AHNAK: variants seen among roughly 807,000 people sequenced by gnomAD.
AHNAK encodes the protein AHNAK nucleoprotein, also known as neuroblast differentiation-associated protein AHNAK.
AHNAK carries 23 observed loss-of-function variants against 37.8 expected under a neutral mutation model. The observed-to-expected ratio is 0.61, with a 90% CI of 0.44 to 0.86. AHNAK has a LOEUF of 0.86. Ranked by LOEUF, AHNAK falls within the 40% of genes least tolerant of loss-of-function variation. The pLI is 0.00. For missense variants in AHNAK, 7,411 were observed against 7,319.4 expected (o/e 1.01, Z -0.46); for synonymous variants, 2,481 against 2,636.3 (o/e 0.94, Z 1.80).
intron 5 of AHNAK, among the ~76,000 whole-genome samples, chr11:62,454,646 A>G (rs1938616510): frequency 2.0e-5 from 3 of 152,074 alleles, no homozygotes; most frequent in African/African-American, 7.2e-5. Flanking sequence ...GGAGATGTCA[A>G]GCCCAGAAAC....
Position 62,521,053 on chromosome 11 carries a change from T to G in AHNAK, c.13364A>C (p.Lys4455Thr). 6.2e-7 allele frequency: 1 copy of G among 1,614,088 alleles called. No homozygotes were observed. Among genetic ancestry groups the G allele is most frequent in the African/African-American group, 1.3e-5 (1 of 75,000 alleles). ...PKFKMPEMNI[K>T]APKISMPDFD... ...GTCAGGCATAGAGATTTTGGGAGCT[T>G]TGATGTTCATCTCAGGCATCTTAAA... Residue 4455 changes from lysine (K) to threonine (T), a missense_variant, in exon 5 of 5, where the codon AAA becomes ACA. Physicochemically the swap from Lys to Thr is moderately conservative, Grantham distance 78. Transcript: ENST00000378024.
intron 5 of AHNAK, among the ~76,000 whole-genome samples, chr11:62,490,197 C>CTTT (rs944550481): frequency 4.7e-4 from 54 of 115,922 alleles, no homozygotes; most frequent in East Asian, 1.2e-3. Context: ...TTTTCTTTTT[C>CTTT]TTTTTTTTTT....
intron 5 of AHNAK, among the ~76,000 whole-genome samples, chr11:62,474,793 C>A (rs17145915): frequency 0.061 from 9,232 of 152,228 alleles, 943 homozygotes; most frequent in African/African-American, 0.21. Context: ...AGTGAGCAAA[C>A]AATGTCCCAA....
Position 62,530,315 on chromosome 11 carries a change from CACT to C in AHNAK, c.4099_4101del (p.Ser1367del). ...GGGCCATGAACATCCACATCTGGAGCACTAATGTCAACTTTGGGCCCTTTAATG... is the reference window on the plus strand; with the variant it reads ...GGGCCATGAACATCCACATCTGGAGCAATGTCAACTTTGGGCCCTTTAATG... On this transcript the variant is annotated inframe_deletion, in exon 5 of 5. Transcript: ENST00000378024. The C allele has an allele frequency of 1.9e-6, 3 of 1,613,256 alleles. No homozygotes were observed. Among genetic ancestry groups the C allele is most frequent in the African/African-American group, 1.3e-5 (1 of 74,692 alleles).
chr11:62,486,020 C>CAAA (rs139783265), intron 5 of AHNAK, among the ~76,000 whole-genome samples: 1 of 68,384 alleles, frequency 1.5e-5, no homozygotes, highest in Non-Finnish European at 3.0e-5. Context: ...GACTTTGTCT[C>CAAA]AAAAAAAAAA....
intron 5 of AHNAK, among the ~76,000 whole-genome samples, chr11:62,467,264 T>C (rs1350768881): frequency 1.3e-5 from 2 of 151,452 alleles, no homozygotes; most frequent in African/African-American, 4.9e-5. Flanking sequence ...AGTAATATAA[T>C]TGTACTTCTT....
Position 62,521,176 on chromosome 11 carries a change from A to G in AHNAK, c.13241T>C (p.Leu4414Pro), listed in dbSNP as rs768005097. 2.2e-5 allele frequency: 35 copies of G among 1,613,934 alleles called. No homozygotes were observed. Among genetic ancestry groups the G allele is most frequent in the Non-Finnish European group, 2.5e-5 (30 of 1,180,022 alleles). ...DVSLPKVEGD[L>P]KGPEIDIKGP... ...TTTTATGTCAATTTCAGGGCCCTTG[A>G]GATCACCTTCCACTTTGGGCAGAGA... is the stretch of plus-strand genomic sequence containing the variant. Residue 4414 changes from leucine (L) to proline (P), a missense_variant, in exon 5 of 5, where the codon CTC becomes CCC. By Grantham distance (98) the Leu-to-Pro change is moderately conservative (BLOSUM62 -3). Transcript: ENST00000378024.
At position 62,435,511 on chromosome 11, in the gene AHNAK, C is replaced by A. The variant is rs1371894031; in HGVS notation, c.443-1620G>T. On this transcript the variant is annotated intron_variant, in intron 5 of 5. Transcript: ENST00000257247. ...CTGCAGGCTCCGCCCCCCGGGGTTCCCGCCATTCTCCTGCCTCAGCCTCCC... is the reference window on the plus strand; with the variant it reads ...CTGCAGGCTCCGCCCCCCGGGGTTCACGCCATTCTCCTGCCTCAGCCTCCC... Among the ~76,000 whole-genome samples the A allele has an allele frequency of 5.9e-5, 9 of 151,760 alleles. No homozygotes were observed. In the South Asian group the frequency reaches 6.3e-4, roughly 11 times the overall value.
rs866744623 is a variant in AHNAK, at chr11:62,525,962, T to G, written c.8455A>C (p.Lys2819Gln). ...TCTGGCATCTTAAACTTTGGACTTT[T>G]CCACTTTCCTTCAGGTCCTTCGATA... ...VNIEGPEGKW[K>Q]SPKFKMPEMH... Residue 2819 changes from lysine (K) to glutamine (Q), a missense_variant, in exon 5 of 5, where the codon AAA becomes CAA. Physicochemically the swap from Lys to Gln is moderately conservative, Grantham distance 53. Transcript: ENST00000378024. 1.9e-5 allele frequency: 31 copies of G among 1,614,112 alleles called. No individual in the cohort carries two copies. In the Admixed American group the frequency reaches 5.0e-4, roughly 26 times the overall value.
At chr11:62,498,129 G>A (rs187045713) in intron 4 of AHNAK, among the ~76,000 whole-genome samples, 307 of 152,254 alleles carry the variant, frequency 2.0e-3, no homozygotes, top group African/African-American at 6.0e-3. Flanking sequence ...AGGGGAAAAA[G>A]GAAACTGCAA....
At position 62,523,831 on chromosome 11, in the gene AHNAK, G is replaced by A. The variant is rs761410765; in HGVS notation, c.10586C>T (p.Pro3529Leu). 1.2e-6 allele frequency: 2 copies of A among 1,614,122 alleles called. No homozygotes were observed. Among genetic ancestry groups the A allele is most frequent in the South Asian group, 2.2e-5 (2 of 91,084 alleles). Residue 3529 changes from proline to leucine, a missense_variant, in exon 5 of 5, where the codon CCC becomes CTC. By Grantham distance (98) the Pro-to-Leu change is moderately conservative. Coordinates refer to ENST00000378024, the MANE Select transcript of AHNAK (RefSeq NM_001620.3). Reference protein sequence around the residue: ...VEGPEGGLKGPKFKMPDMNIK... With the variant: ...VEGPEGGLKGLKFKMPDMNIK... ...ATTCATGTCAGGCATCTTGAATTTG[G>A]GACCTTTCAAGCCTCCCTCCGGACC...
Position 62,522,029 on chromosome 11 carries a change from A to T in AHNAK, c.12388T>A (p.Ser4130Thr). Residue 4130 changes from serine to threonine, a missense_variant, in exon 5 of 5, where the codon TCT becomes ACT. Physicochemically the swap from Ser to Thr is moderately conservative, Grantham distance 58. Transcript: ENST00000378024. ...AGATTCAGGTCAACTTCAGGCATAG[A>T]GATCTTCGGTGCCTTGAGGTGCAGG... is the stretch of plus-strand genomic sequence containing the variant. The part of the protein sequence containing the change: ...PDLHLKAPKI[S>T]MPEVDLNLKG... The T allele has an allele frequency of 6.2e-7, 1 of 1,613,982 alleles. No individual in the cohort carries two copies. The highest frequency in any genetic ancestry group is 2.2e-5 in the East Asian group (1 of 44,862).
At position 62,518,359 on chromosome 11, in the gene AHNAK, G is replaced by A; in HGVS notation, c.16058C>T (p.Thr5353Ile). The change falls in exon 5 of 5, where the codon ACA becomes ATA. Residue 5353 changes from threonine to isoleucine, a missense_variant. Coordinates refer to ENST00000378024, the MANE Select transcript of AHNAK (RefSeq NM_001620.3). ...TGGTGCCCCAACGTTAAGCTTTGTT[G>A]TGGCATCGATCCCTGGCACTTTCAC... is the stretch of plus-strand genomic sequence containing the variant. The part of the protein sequence containing the change: ...DGVKVPGIDA[T>I]TKLNVGAPDV... 6.2e-7 allele frequency: 1 copy of A among 1,614,126 alleles called. No homozygotes were observed. The highest frequency in any genetic ancestry group is 8.5e-7 in the Non-Finnish European group (1 of 1,180,022).
chr11:62,505,849 C>T (rs1590636037), intron 4 of AHNAK, among the ~76,000 whole-genome samples: 3 of 151,542 alleles, frequency 2.0e-5, no homozygotes, highest in South Asian at 4.2e-4. Context: ...TAGTTTTCTG[C>T]TTGCTTTCTT....
intron 5 of AHNAK, among the ~76,000 whole-genome samples, chr11:62,435,910 T>A (rs1273442220): frequency 5.3e-5 from 8 of 152,210 alleles, no homozygotes; most frequent in Admixed American, 5.2e-4. Flanking sequence ...GCTGAGCACT[T>A]CTTACATATG....
Position 62,517,206 on chromosome 11 carries a change from A to T in AHNAK, c.17211T>A (p.Ser5737=). ...GVTGSPEASI[S]GSKGDLKSSK... The stretch of plus-strand genomic sequence containing the variant: ...AACTTTTCAGGTCACCTTTGGACCC[A>T]GAAATTGATGCTTCTGGTGAGCCAG... The change falls in exon 5 of 5, where the codon TCT becomes TCA. Residue 5737 remains serine (S), a synonymous_variant. Transcript: ENST00000378024. 2 of 1,614,146 alleles carry T rather than the reference A, an allele frequency of 1.2e-6. No individual in the cohort carries two copies. Among genetic ancestry groups the T allele is most frequent in the Non-Finnish European group, 1.7e-6 (2 of 1,180,042 alleles).
chr11:62,530,588 T>C lies in AHNAK; in HGVS notation c.3829A>G (p.Asn1277Asp). ...FKGEGREVDV[N>D]LPKADIDVSG... Reference sequence around the variant, plus strand: ...ACATCAATGTCAGCCTTGGGCAGGTTCACATCCACTTCTCGGCCCTCTCCT... The same window carrying C: ...ACATCAATGTCAGCCTTGGGCAGGTCCACATCCACTTCTCGGCCCTCTCCT... Residue 1277 changes from asparagine to aspartate, a missense_variant, in exon 5 of 5, where the codon AAC becomes GAC. Physicochemically the swap from Asn to Asp is conservative, Grantham distance 23. Coordinates refer to ENST00000378024, the MANE Select transcript of AHNAK (RefSeq NM_001620.3). The C allele has an allele frequency of 6.2e-7, 1 of 1,612,162 alleles. No individual in the cohort carries two copies. Among genetic ancestry groups the C allele is most frequent in the Non-Finnish European group, 8.5e-7 (1 of 1,179,588 alleles).
At chr11:62,446,685 G>A (rs1938428382) in intron 5 of AHNAK, among the ~76,000 whole-genome samples, 2 of 151,948 alleles carry the variant, frequency 1.3e-5, no homozygotes, top group African/African-American at 2.4e-5. Context: ...CTGCCCTCCT[G>A]TCTCAAAAGG....
chr11:62,484,036 CAAAAAAA>C (rs56402861), intron 5 of AHNAK, among the ~76,000 whole-genome samples: 5 of 78,246 alleles, frequency 6.4e-5, no homozygotes, highest in African/African-American at 2.3e-4. Context: ...GACTCCATCT[CAAAAAAA>C]AAAAAAAAAA....
Sources: gnomAD v4.1 joint callset for allele counts (sites outside exome capture counted in the v4.1 genomes callset) on GRCh38, gnomAD v4.1.1 for gene constraint, MANE v1.5 for transcripts, NCBI Gene and HGNC (gene_info 2026-07-23, HGNC 2026-07-21) for gene names.